The following TRPC4 variants were observed in gnomAD, a reference collection of about 807,000 sequenced individuals.
The protein encoded by TRPC4 is short transient receptor potential channel 4.
In TRPC4, 49 loss-of-function variants were observed where a neutral mutation model predicts 99.4. The observed-to-expected ratio is 0.49, with a 90% CI of 0.39 to 0.63. The LOEUF is 0.63. Ranked by LOEUF, TRPC4 falls within the 20% of genes least tolerant of loss-of-function variation. TRPC4 has a pLI of 0.00. For synonymous variants in TRPC4, 454 were observed against 425.9 expected (o/e 1.07, Z -0.81); for missense variants, 898 against 1,152.9 (o/e 0.78, Z 3.20).
At chr13:37,686,531 T>G (rs1048795876) in intron 4 of TRPC4, among the ~76,000 whole-genome samples, 1 of 152,132 alleles carries the variant, frequency 6.6e-6, no homozygotes, top group Admixed American at 6.5e-5. Context: ...TATCACCAAC[T>G]TTTCATTCTA....
Position 37,655,173 on chromosome 13 carries a change from A to G in TRPC4, c.1799T>C (p.Met600Thr). ...AGAGATGACATTGTATGTCCCAAAC[A>G]TGGTGGCACCAACAAACTCAGTAAA... ...HEFTEFVGATMFGTYNVISLV... is the reference protein window; with the variant it reads ...HEFTEFVGATTFGTYNVISLV... Residue 600 changes from methionine to threonine, a missense_variant, in exon 7 of 11, where the codon ATG becomes ACG. By Grantham distance (81) the Met-to-Thr change is moderately conservative (BLOSUM62 -1). This residue lies in a region of TRPC4 where 274 missense variants were observed against 454.9 expected (regional missense o/e 0.60). Transcript: ENST00000379705. 6.2e-7 allele frequency: 1 copy of G among 1,608,260 alleles called. No homozygotes were observed. Among genetic ancestry groups the G allele is most frequent in the South Asian group, 1.1e-5 (1 of 90,462 alleles).
rs562572962 is a variant in TRPC4 at position 37,670,939 on chromosome 13, C to A, written c.1374+3289G>T. The stretch of plus-strand genomic sequence containing the variant: ...TCCTCTGTATAATTCCATGTCATTA[C>A]AGAAAAGTTCAGTTCCTTCTCTCAT... On this transcript the variant is annotated intron_variant, in intron 5 of 10. Coordinates refer to ENST00000379705, the MANE Select transcript of TRPC4 (RefSeq NM_016179.4). Among the ~76,000 whole-genome samples the A allele has an allele frequency of 1.8e-4, 28 of 152,302 alleles. No individual in the cohort carries two copies. The Middle Eastern group carries it at 0.01, about 56-fold the overall frequency.
chr13:37,683,293 G>A (rs1176747464), intron 4 of TRPC4, among the ~76,000 whole-genome samples: 1 of 152,118 alleles, frequency 6.6e-6, no homozygotes, highest in Non-Finnish European at 1.5e-5. Context: ...CACAGAAAAT[G>A]GAAAACAGTG....
chr13:37,678,904 G>A lies in TRPC4; in HGVS notation c.1235-4537C>T, dbSNP rs1051305962. On this transcript the variant is annotated intron_variant, in intron 4 of 10. Transcript: ENST00000379705. ...TCATGGCCAAGTAATGTTTTTCCAG[G>A]TAATGAAAGGTTGTTTCAATATTTA... 2.0e-5 allele frequency among the ~76,000 whole-genome samples: 3 copies of A among 151,960 alleles called. 1 individual carries two copies. The highest frequency in any genetic ancestry group is 1.3e-4 in the Admixed American group (2 of 15,250).
intron 2 of TRPC4, among the ~76,000 whole-genome samples, chr13:37,758,686 T>G (rs1490396988): frequency 6.6e-6 from 1 of 151,726 alleles, no homozygotes; most frequent in Non-Finnish European, 1.5e-5. Flanking sequence ...GACATGTGTA[T>G]GCAGTACAAA....
At chr13:37,827,829 A>T (rs1379144925) in intron 1 of TRPC4, among the ~76,000 whole-genome samples, 2 of 151,972 alleles carry the variant, frequency 1.3e-5, no homozygotes, top group African/African-American at 4.8e-5. Context: ...TGCTTTGTTT[A>T]CCTAAGCAAG....
At chr13:37,786,231 T>C (rs541673987) in intron 1 of TRPC4, among the ~76,000 whole-genome samples, 1 of 151,388 alleles carries the variant, frequency 6.6e-6, no homozygotes, top group African/African-American at 2.4e-5. Flanking sequence ...TGTAAATAGA[T>C]TTAATAAATA....
chr13:37,830,924 G>A (rs112196902), intron 1 of TRPC4, among the ~76,000 whole-genome samples: 4,903 of 151,210 alleles, frequency 0.032, 269 homozygotes, highest in African/African-American at 0.11. Context: ...GGCAGACTGT[G>A]AAAAGTTAAA....
chr13:37,645,073 G>A (rs1464053714), intron 8 of TRPC4, among the ~76,000 whole-genome samples: 2 of 151,884 alleles, frequency 1.3e-5, no homozygotes, highest in East Asian at 2.0e-4. Flanking sequence ...ACTTTTCTTC[G>A]CAAACTACAT....
At chr13:37,798,558 A>G (rs1185707507) in intron 1 of TRPC4, among the ~76,000 whole-genome samples, 3 of 152,180 alleles carry the variant, frequency 2.0e-5, no homozygotes, top group Non-Finnish European at 4.4e-5. Context: ...TAAAAACCTC[A>G]TAGGCTCATG....
intron 1 of TRPC4, among the ~76,000 whole-genome samples, chr13:37,864,722 T>C (rs1409009533): frequency 6.6e-6 from 1 of 151,624 alleles, no homozygotes; most frequent in African/African-American, 2.4e-5. Context: ...GCTCTTTGCT[T>C]GTATTTATAC....
At chr13:37,805,770 C>G (rs1957513988) in intron 1 of TRPC4, among the ~76,000 whole-genome samples, 1 of 151,938 alleles carries the variant, frequency 6.6e-6, no homozygotes, top group South Asian at 2.1e-4. Context: ...ATCATGATAG[C>G]AAGTCAGTAA....
chr13:37,677,145 A>G (rs1324164687), intron 4 of TRPC4, among the ~76,000 whole-genome samples: 2 of 152,032 alleles, frequency 1.3e-5, no homozygotes, highest in African/African-American at 4.8e-5. Context: ...ATATTTTTGA[A>G]GTTAGAATGT....
At chr13:37,774,318 C>CT (rs1352821239) in intron 2 of TRPC4, among the ~76,000 whole-genome samples, 5 of 151,628 alleles carry the variant, frequency 3.3e-5, no homozygotes, top group African/African-American at 9.7e-5. Flanking sequence ...ATACTCAAAG[C>CT]TTACAGTACA....
At chr13:37,644,249 A>G (rs1404525743) in intron 8 of TRPC4, among the ~76,000 whole-genome samples, 1 of 152,206 alleles carries the variant, frequency 6.6e-6, no homozygotes, top group Non-Finnish European at 1.5e-5. Context: ...TGTTACCTTA[A>G]GAGAAGATAT....
Position 37,634,517 on chromosome 13 carries a change from TC to T in TRPC4, c.*2385del, listed in dbSNP as rs1216125034. ...AATACATTCCTCTATTACCATCATGTCCCCCTATAAAATGTCAGCACCTTAA... is the reference window on the plus strand; with the variant it reads ...AATACATTCCTCTATTACCATCATGTCCCCTATAAAATGTCAGCACCTTAA... On this transcript the variant is annotated 3_prime_UTR_variant, in exon 11 of 11. Transcript: ENST00000379705. Among the ~76,000 whole-genome samples, 2 of 151,908 alleles carry T rather than the reference TC, an allele frequency of 1.3e-5. No homozygotes were observed. Among genetic ancestry groups the T allele is most frequent in the African/African-American group, 2.4e-5 (1 of 41,364 alleles).
intron 1 of TRPC4, among the ~76,000 whole-genome samples, chr13:37,805,534 A>G (rs1184858819): frequency 6.6e-6 from 1 of 151,992 alleles, no homozygotes; most frequent in Non-Finnish European, 1.5e-5. Flanking sequence ...ATGACTTCAG[A>G]AGGCCCAATG....
At chr13:37,825,609 C>G (rs1226744594) in intron 1 of TRPC4, among the ~76,000 whole-genome samples, 1 of 144,834 alleles carries the variant, frequency 6.9e-6, no homozygotes, top group African/African-American at 2.5e-5. Context: ...ATCCTGAGTT[C>G]TAGTTTGATT....
intron 1 of TRPC4, among the ~76,000 whole-genome samples, chr13:37,855,868 G>C (rs1354499214): frequency 2.6e-5 from 4 of 151,682 alleles, no homozygotes; most frequent in Non-Finnish European, 3.0e-5. Context: ...AAAACATATG[G>C]GATACAGCTA....
Sources: allele counts gnomAD v4.1 joint callset (sites outside exome capture counted in the v4.1 genomes callset), GRCh38; gene constraint gnomAD v4.1.1; regional missense constraint gnomAD v4.1.1; transcripts MANE v1.5; gene names NCBI Gene and HGNC (gene_info 2026-07-23, HGNC 2026-07-21).